OTUD7A: variants seen among roughly 807,000 people sequenced by gnomAD.
OTUD7A encodes OTU domain-containing protein 7A.
OTUD7A carries 12 observed loss-of-function variants against 65.7 expected under a neutral mutation model. That is an observed-to-expected ratio of 0.18 (90% confidence interval 0.12 to 0.30). The LOEUF is 0.30. Among genes scored for constraint, OTUD7A ranks in the 10% least tolerant of loss-of-function variants. The pLI, the probability that OTUD7A is intolerant of heterozygous loss-of-function variation, is 1.00. For synonymous variants in OTUD7A, 641 were observed against 586.3 expected (o/e 1.09, Z -1.35); for missense variants, 1,148 against 1,304.8 (o/e 0.88, Z 1.85).
At chr15:31,728,241 C>T (rs1482312390) in intron 1 of OTUD7A, among the ~76,000 whole-genome samples, 1 of 152,210 alleles carries the variant, frequency 6.6e-6, no homozygotes, top group Non-Finnish European at 1.5e-5. Context: ...TGCCTTCTTT[C>T]ACGATGCATC....
chr15:31,868,760 A>C (rs979856992), intron 1 of OTUD7A, among the ~76,000 whole-genome samples: 1 of 152,196 alleles, frequency 6.6e-6, no homozygotes, highest in Non-Finnish European at 1.5e-5. Context: ...TCCAGGCCCA[A>C]GTGAGACCCG....
At chr15:31,782,680 T>C (rs1450236429) in intron 1 of OTUD7A, among the ~76,000 whole-genome samples, 2 of 152,222 alleles carry the variant, frequency 1.3e-5, no homozygotes, top group South Asian at 2.1e-4. Flanking sequence ...GGAAAGAAAG[T>C]AATTTGGTGA....
chr15:31,753,717 TATATTA>T (rs1567005010), intron 1 of OTUD7A, among the ~76,000 whole-genome samples: 2 of 85,620 alleles, frequency 2.3e-5, no homozygotes, highest in African/African-American at 1.0e-4. Context: ...TATATATATA[TATATTA>T]TATATATATA....
rs1253116627 is a variant in OTUD7A at position 31,547,522 on chromosome 15, A to G, written c.550+11447T>C. 3.3e-5 allele frequency among the ~76,000 whole-genome samples: 5 copies of G among 152,198 alleles called. No homozygotes were observed. In the East Asian group the frequency reaches 7.7e-4, roughly 23 times the overall value. On this transcript the variant is annotated intron_variant, in intron 5 of 12. Transcript: ENST00000307050. ...TTTCATTTCCAATACCTAGATTAAC[A>G]AACAGATTTCTATTTCTTCCTCACA...
At chr15:31,731,194 C>A (rs924436131) in intron 1 of OTUD7A, among the ~76,000 whole-genome samples, 2 of 152,098 alleles carry the variant, frequency 1.3e-5, no homozygotes, top group African/African-American at 4.8e-5. Flanking sequence ...CTTTTTACAT[C>A]CCTATGGAGT....
chr15:31,500,419 C>T (rs1051337332), intron 10 of OTUD7A, among the ~76,000 whole-genome samples: 2 of 152,242 alleles, frequency 1.3e-5, no homozygotes, highest in African/African-American at 4.8e-5. Context: ...TCTGCGGCTG[C>T]ACCACGCATG....
chr15:31,833,206 C>T (rs1431124617), intron 1 of OTUD7A, among the ~76,000 whole-genome samples: 1 of 152,174 alleles, frequency 6.6e-6, no homozygotes, highest in Admixed American at 6.5e-5. Flanking sequence ...AGATGATTTC[C>T]CAGCAGAGGG....
chr15:31,528,566 C>G (rs554943889), intron 6 of OTUD7A, among the ~76,000 whole-genome samples: 1 of 152,382 alleles, frequency 6.6e-6, no homozygotes, highest in African/African-American at 2.4e-5. Flanking sequence ...TCGCCTTTTT[C>G]TATAGGATGG....
intron 1 of OTUD7A, among the ~76,000 whole-genome samples, chr15:31,804,429 G>C (rs925564625): frequency 1.3e-5 from 2 of 152,116 alleles, no homozygotes; most frequent in African/African-American, 2.4e-5. Context: ...GAAGTTCAGG[G>C]CTGGCTCCCT....
intron 1 of OTUD7A, among the ~76,000 whole-genome samples, chr15:31,807,045 T>A (rs1305194004): frequency 6.6e-6 from 1 of 152,260 alleles, no homozygotes; most frequent in African/African-American, 2.4e-5. Flanking sequence ...TCTGGAGATG[T>A]TGTAAGCCTC....
chr15:31,658,489 A>G (rs1372483881), intron 1 of OTUD7A, among the ~76,000 whole-genome samples: 3 of 152,130 alleles, frequency 2.0e-5, no homozygotes. Flanking sequence ...AGCAACCTTC[A>G]TGGAGCTGCT....
chr15:31,700,388 A>C lies in OTUD7A; in HGVS notation c.-99-43311T>G, dbSNP rs1347041205. On this transcript the variant is annotated intron_variant, in intron 1 of 12. Transcript: ENST00000307050. ...TGGGATGTGCACTTATACGTCTCAC[A>C]GGTACCTCAGATTTCTTAGAACCAA... 2.6e-5 allele frequency among the ~76,000 whole-genome samples: 4 copies of C among 152,182 alleles called. No homozygotes were observed. The South Asian group carries it at 8.3e-4, about 32-fold the overall frequency.
intron 10 of OTUD7A, among the ~76,000 whole-genome samples, chr15:31,489,038 C>T (rs887075666): frequency 7.2e-5 from 11 of 152,248 alleles, no homozygotes; most frequent in Admixed American, 5.9e-4. Flanking sequence ...AGGGCAGACA[C>T]ACCCAGGGAG....
At chr15:31,619,612 G>A (rs1259751766) in intron 3 of OTUD7A, among the ~76,000 whole-genome samples, 1 of 151,912 alleles carries the variant, frequency 6.6e-6, no homozygotes, top group Admixed American at 6.6e-5. Flanking sequence ...TTTACACATT[G>A]ATTTTGTATC....
chr15:31,808,568 T>G (rs1896340912), intron 1 of OTUD7A, among the ~76,000 whole-genome samples: 1 of 152,174 alleles, frequency 6.6e-6, no homozygotes, highest in African/African-American at 2.4e-5. Flanking sequence ...AGGACCTTGT[T>G]TCACATATTT....
chr15:31,775,173 A>C (rs1895344437), intron 1 of OTUD7A, among the ~76,000 whole-genome samples: 1 of 151,912 alleles, frequency 6.6e-6, no homozygotes, highest in Admixed American at 6.6e-5. Flanking sequence ...TTTCACTTTG[A>C]CTACGCTAAT....
intron 1 of OTUD7A, among the ~76,000 whole-genome samples, chr15:31,774,212 G>C (rs1019414541): frequency 1.3e-5 from 2 of 152,198 alleles, no homozygotes; most frequent in Non-Finnish European, 2.9e-5. Flanking sequence ...CCATGGGACA[G>C]CAGCAAATTC....
At chr15:31,807,759 T>C (rs1896307692) in intron 1 of OTUD7A, among the ~76,000 whole-genome samples, 1 of 151,888 alleles carries the variant, frequency 6.6e-6, no homozygotes, top group African/African-American at 2.4e-5. Context: ...CTTTCATTCC[T>C]AAAGAAGTAA....
chr15:31,680,510 G>A (rs1314632702), intron 1 of OTUD7A, among the ~76,000 whole-genome samples: 4 of 152,168 alleles, frequency 2.6e-5, no homozygotes, highest in African/African-American at 4.8e-5. Context: ...AATACTAACG[G>A]GAAAAAGGTC....
Sources: gnomAD v4.1 joint callset for allele counts (sites outside exome capture counted in the v4.1 genomes callset) on GRCh38, gnomAD v4.1.1 for gene constraint, MANE v1.5 for transcripts, NCBI Gene and HGNC (gene_info 2026-07-23, HGNC 2026-07-21) for gene names.